TEX9: variants seen among roughly 807,000 people sequenced by gnomAD.
TEX9 encodes testis expressed 9, also known as testis-expressed protein 9.
In TEX9, 74 loss-of-function variants were observed where a neutral mutation model predicts 59.6. The ratio of observed to expected loss-of-function variants is 1.24; its 90% confidence interval spans 1.03 to 1.51. The LOEUF is 1.51. TEX9 is among the 40% of genes most tolerant of loss of function. The pLI, the probability that TEX9 is intolerant of heterozygous loss-of-function variation, is 0.00. For missense variants in TEX9, 522 were observed against 447.8 expected, an observed-to-expected ratio of 1.17 and a Z score of -1.49; for synonymous variants, 186 against 152.2, an observed-to-expected ratio of 1.22 and a Z score of -1.64.
chr15:56,356,323 A>G (rs774405377), intron 1 of TEX9, among the ~76,000 whole-genome samples: 6 of 152,152 alleles, frequency 3.9e-5, no homozygotes, highest in Non-Finnish European at 8.8e-5. Context: ...TAGTTGGATG[A>G]GAATCCAATG....
At chr15:56,299,167 C>T (rs2045284074) in intron 1 of TEX9, among the ~76,000 whole-genome samples, 1 of 152,240 alleles carries the variant, frequency 6.6e-6, no homozygotes, top group African/African-American at 2.4e-5. Flanking sequence ...CACCCCTCCA[C>T]CATGCCCCAG....
At chr15:56,303,776 T>C (rs573929685) in intron 1 of TEX9, among the ~76,000 whole-genome samples, 1 of 152,038 alleles carries the variant, frequency 6.6e-6, no homozygotes, top group Non-Finnish European at 1.5e-5. Flanking sequence ...ATAAGAAAAG[T>C]GAGAAGACCC....
At chr15:56,434,734 T>C in intron 12 of TEX9, among the ~76,000 whole-genome samples, 1 of 152,130 alleles carries the variant, frequency 6.6e-6, no homozygotes, top group East Asian at 1.9e-4. Context: ...CTATGGTAAC[T>C]ATGAATCATT....
chr15:56,433,957 C>T (rs1326315093), intron 12 of TEX9, among the ~76,000 whole-genome samples: 1 of 152,006 alleles, frequency 6.6e-6, no homozygotes, highest in African/African-American at 2.4e-5. Flanking sequence ...GTGTTTAGCA[C>T]ATAGAAAGCA....
chr15:56,314,814 C>T (rs1596082505), intron 1 of TEX9, among the ~76,000 whole-genome samples: 2 of 151,782 alleles, frequency 1.3e-5, no homozygotes, highest in East Asian at 1.9e-4. Context: ...TCAGGACTTG[C>T]TTTATGAATC....
At chr15:56,273,286 G>T (rs2044592480) in intron 1 of TEX9, among the ~76,000 whole-genome samples, 1 of 151,876 alleles carries the variant, frequency 6.6e-6, no homozygotes, top group Non-Finnish European at 1.5e-5. Context: ...CTCTACTATT[G>T]GTTTACTTAT....
intron 1 of TEX9, among the ~76,000 whole-genome samples, chr15:56,328,589 C>T (rs1183143555): frequency 2.0e-5 from 3 of 152,170 alleles, no homozygotes; most frequent in Non-Finnish European, 4.4e-5. Context: ...CAGCATTAAT[C>T]ACAAGCTGAC....
intron 3 of TEX9, among the ~76,000 whole-genome samples, chr15:56,382,039 T>C (rs1470298609): frequency 6.6e-6 from 1 of 152,136 alleles, no homozygotes; most frequent in East Asian, 1.9e-4. Flanking sequence ...GGTGTTCTAG[T>C]GTTTTGTGGC....
intron 1 of TEX9, among the ~76,000 whole-genome samples, chr15:56,359,875 G>A (rs2046759628): frequency 6.6e-6 from 1 of 152,120 alleles, no homozygotes; most frequent in Non-Finnish European, 1.5e-5. Flanking sequence ...TAGATATTTT[G>A]TGGAAGTTCT....
At chr15:56,384,076 C>A in intron 4 of TEX9, 45 bp downstream of exon 4, 2 of 1,443,248 alleles carry the variant, frequency 1.4e-6, no homozygotes, top group Non-Finnish European at 1.9e-6. Context: ...AAAGGATGTA[C>A]ATGGATCGTT....
At chr15:56,450,453 CT>C (rs2050940129), downstream of TEX9, among the ~76,000 whole-genome samples, 1 of 152,110 alleles carries the variant, frequency 6.6e-6, no homozygotes, top group South Asian at 2.1e-4. Flanking sequence ...AATTCCTAAT[CT>C]GCATTTTGTC....
In TEX9 at chr15:56,415,525, A is replaced by G. The variant is rs34907577; in HGVS notation, c.963+3089A>G. ...CCCATTGCTTTTGTCAGGTTTGAAGATCAGACGGTTGTAGATGTGCGGCCT... is the reference window on the plus strand; with the variant it reads ...CCCATTGCTTTTGTCAGGTTTGAAGGTCAGACGGTTGTAGATGTGCGGCCT... On this transcript the variant is annotated intron_variant, in intron 10 of 12. Coordinates refer to ENST00000352903, the Ensembl canonical transcript of TEX9. Among the ~76,000 whole-genome samples the G allele has an allele frequency of 3.3e-5, 5 of 151,800 alleles. 1 individual carries two copies. The highest frequency in any genetic ancestry group is 1.2e-4 in the African/African-American group (5 of 41,118).
intron 12 of TEX9, chr15:56,428,515 A>G (rs2050438807): frequency 9.5e-7 from 1 of 1,048,198 alleles, no homozygotes; most frequent in Non-Finnish European, 1.4e-6. Context: ...AGTGGTTTGA[A>G]TTATTTTTAT....
chr15:56,273,291 A>G (rs2044592670), intron 1 of TEX9, among the ~76,000 whole-genome samples: 1 of 152,080 alleles, frequency 6.6e-6, no homozygotes, highest in African/African-American at 2.4e-5. Context: ...CTATTGGTTT[A>G]CTTATACTTC....
At chr15:56,435,633 G>A (rs2050710375) in intron 12 of TEX9, among the ~76,000 whole-genome samples, 2 of 151,896 alleles carry the variant, frequency 1.3e-5, no homozygotes, top group Middle Eastern at 3.2e-3. Flanking sequence ...ATGAAATAAG[G>A]TAATCTGAAT....
chr15:56,401,308 CAAAAAAA>C (rs1207055803), intron 9 of TEX9, among the ~76,000 whole-genome samples: 42 of 46,780 alleles, frequency 9.0e-4, no homozygotes, highest in African/African-American at 4.0e-3. Flanking sequence ...AAATTGAAAG[CAAAAAAA>C]AAAAAAAAAA....
At chr15:56,430,334 G>GTATC (rs1434732792) in intron 12 of TEX9, among the ~76,000 whole-genome samples, 180 bp downstream of exon 12, 1 of 152,150 alleles carries the variant, frequency 6.6e-6, no homozygotes, top group African/African-American at 2.4e-5. Flanking sequence ...AGCCTCCAGA[G>GTATC]TATCTGGGAC....
chr15:56,338,825 G>A (rs1233085464), intron 1 of TEX9, among the ~76,000 whole-genome samples: 2 of 152,060 alleles, frequency 1.3e-5, no homozygotes, highest in Admixed American at 1.3e-4. Flanking sequence ...AGTTGAGGCA[G>A]GAGAATCACT....
chr15:56,293,449 G>C (rs573510219), intron 1 of TEX9, among the ~76,000 whole-genome samples: 33 of 152,304 alleles, frequency 2.2e-4, no homozygotes, highest in African/African-American at 7.9e-4. Flanking sequence ...TTGGCATGTA[G>C]TAAAGAATTT....
Sources: allele counts gnomAD v4.1 joint callset (sites outside exome capture counted in the v4.1 genomes callset), GRCh38; gene constraint gnomAD v4.1.1; transcripts MANE v1.5; gene names NCBI Gene and HGNC (gene_info 2026-07-23, HGNC 2026-07-21).